The following MEX3C variants were observed in gnomAD, a reference collection of about 807,000 sequenced individuals.
The protein encoded by MEX3C is mex-3 RNA binding family member C.
Under a neutral mutation model 35.5 loss-of-function variants are expected in MEX3C, and 15 were observed. The ratio of observed to expected loss-of-function variants is 0.42; its 90% CI spans 0.28 to 0.65. MEX3C has a LOEUF of 0.65. Among genes scored for constraint, MEX3C ranks in the 30% least tolerant of loss-of-function variants. The probability of loss-of-function intolerance (pLI) is 0.20; values close to 1 mark genes in which losing one functional copy is unlikely to be tolerated. For missense variants in MEX3C, 711 were observed against 842.8 expected, an observed-to-expected ratio of 0.84 and a Z score of 1.94; for synonymous variants, 390 against 352.8, an observed-to-expected ratio of 1.11 and a Z score of -1.18.
At chr18:51,178,226 T>G (rs1050937033) in intron 1 of MEX3C, among the ~76,000 whole-genome samples, 6 of 152,220 alleles carry the variant, frequency 3.9e-5, no homozygotes, top group African/African-American at 1.4e-4. Context: ...ATGTGGGTGC[T>G]GGGTGTGGTT....
Position 51,196,895 on chromosome 18 carries a change from C to T in MEX3C, c.426G>A (p.Leu142=). The T allele has an allele frequency of 6.5e-7, 1 of 1,541,978 alleles. No homozygotes were observed. Among genetic ancestry groups the T allele is most frequent in the Non-Finnish European group, 8.7e-7 (1 of 1,145,978 alleles). The change falls in exon 1 of 2, where the codon CTG becomes CTA. Residue 142 remains leucine (L), a synonymous_variant. Transcript: ENST00000406189. ...CGGTGGCCGCGGGCGGCGACAGCAGCAGCAGCGACGACCGGTCCTCCTCCT... is the reference window on the plus strand; with the variant it reads ...CGGTGGCCGCGGGCGGCGACAGCAGTAGCAGCGACGACCGGTCCTCCTCCT... The part of the protein sequence containing the change: ...EAEEEDRSSL[L]LLSPPAATAS...
At chr18:51,185,967 T>C (rs1437581842) in intron 1 of MEX3C, among the ~76,000 whole-genome samples, 1 of 152,166 alleles carries the variant, frequency 6.6e-6, no homozygotes, top group African/African-American at 2.4e-5. Flanking sequence ...GTGTTTACAA[T>C]GACTTTTACT....
chr18:51,187,786 T>C (rs1281382219), intron 1 of MEX3C, among the ~76,000 whole-genome samples: 6 of 151,926 alleles, frequency 3.9e-5, no homozygotes, highest in Non-Finnish European at 5.9e-5. Context: ...AATGAAGGGG[T>C]TGTATTAATA....
At chr18:51,183,507 G>T (rs1016996239) in intron 1 of MEX3C, among the ~76,000 whole-genome samples, 5 of 152,150 alleles carry the variant, frequency 3.3e-5, no homozygotes, top group Admixed American at 1.3e-4. Flanking sequence ...TCCTAAGATG[G>T]CTCCTCAAGA....
intron 1 of MEX3C, among the ~76,000 whole-genome samples, chr18:51,191,193 C>T (rs1376078547): frequency 6.6e-6 from 1 of 152,126 alleles, no homozygotes; most frequent in Non-Finnish European, 1.5e-5. Flanking sequence ...CATCATGGCT[C>T]TCCTTGTGGG....
chr18:51,182,195 T>G (rs1344928198), intron 1 of MEX3C, among the ~76,000 whole-genome samples: 3 of 152,220 alleles, frequency 2.0e-5, no homozygotes, highest in Non-Finnish European at 4.4e-5. Flanking sequence ...ATCACAGGTA[T>G]GTACATATAG....
At position 51,196,622 on chromosome 18, in the gene MEX3C, G is replaced by C. The variant is rs755948788; in HGVS notation, c.699C>G (p.Thr233=). Residue 233 remains threonine, a synonymous_variant, in exon 1 of 2, where the codon ACC becomes ACG. Transcript: ENST00000406189. ...CGGAGCTGGGCACCGGGACGCACTC[G>C]GTGGTGTTGACGCTCTTTCTCCGGA... The part of the protein sequence containing the change: ...ALLRRKSVNT[T]ECVPVPSSEH... 1 of 1,590,610 alleles carries C rather than the reference G, an allele frequency of 6.3e-7. No homozygotes were observed. Among genetic ancestry groups the C allele is most frequent in the African/African-American group, 1.3e-5 (1 of 74,474 alleles).
chr18:51,176,844 G>A lies in MEX3C; in HGVS notation c.1487C>T (p.Ser496Phe). The A allele has an allele frequency of 6.2e-7, 1 of 1,614,012 alleles. No homozygotes were observed. The highest frequency in any genetic ancestry group is 8.5e-7 in the Non-Finnish European group (1 of 1,179,890). Residue 496 changes from serine to phenylalanine, a missense_variant, in exon 2 of 2, where the codon TCT (serine) becomes TTT (phenylalanine). Ser to Phe is a radical substitution (Grantham distance 155). Transcript: ENST00000406189. ...SVGSEDLAVD[S>F]PAFDSLPTSA... ...TGTTGGTAAAGAGTCAAAGGCAGGA[G>A]AGTCAACTGCTAGGTCTTCTGAGCC...
At chr18:51,191,295 T>C (rs1295350618) in intron 1 of MEX3C, among the ~76,000 whole-genome samples, 1 of 152,200 alleles carries the variant, frequency 6.6e-6, no homozygotes, top group Non-Finnish European at 1.5e-5. Context: ...TGATAAGCAT[T>C]ACTTCCGGAT....
At chr18:51,191,144 A>G (rs1476365950) in intron 1 of MEX3C, among the ~76,000 whole-genome samples, 1 of 152,198 alleles carries the variant, frequency 6.6e-6, no homozygotes, top group Non-Finnish European at 1.5e-5. Context: ...TTAGAATTCT[A>G]TAACAATCCT....
intron 1 of MEX3C, among the ~76,000 whole-genome samples, chr18:51,185,228 A>G (rs1215632814): frequency 2.0e-5 from 3 of 152,220 alleles, no homozygotes; most frequent in Non-Finnish European, 4.4e-5. Flanking sequence ...TTGCAGTGAA[A>G]GGACTGAGTG....
intron 1 of MEX3C, chr18:51,196,044 G>T: frequency 6.5e-6 from 1 of 154,482 alleles, no homozygotes; most frequent in Non-Finnish European, 1.4e-5. Flanking sequence ...GGAGGGGCAG[G>T]GGATGGCGGT....
intron 1 of MEX3C, among the ~76,000 whole-genome samples, chr18:51,178,857 T>C (rs1436468631): frequency 1.4e-5 from 2 of 141,450 alleles, no homozygotes; most frequent in African/African-American, 5.4e-5. Flanking sequence ...TGAAACTCCA[T>C]CTCAAAAAAA....
Position 51,197,216 on chromosome 18 carries a change from G to C in MEX3C, c.105C>G (p.Pro35=). The C allele has an allele frequency of 3.0e-6, 3 of 1,005,664 alleles. No homozygotes were observed. The highest frequency in any genetic ancestry group is 3.5e-6 in the Non-Finnish European group (3 of 845,690). The allele number at this position is 1,005,664 out of a possible 1,614,324, so 62.3% of individuals were successfully genotyped here. Residue 35 remains proline, a synonymous_variant, in exon 1 of 2, where the codon CCC becomes CCG. Coordinates refer to ENST00000406189, the MANE Select transcript of MEX3C (RefSeq NM_016626.5). The part of the protein sequence containing the change: ...PPPPPPPLPP[P]SGGPELEGDG... ...CCCCCTCGAGCTCCGGGCCGCCCGA[G>C]GGCGGCGGCAGAGGCGGCGGTGGCG...
intron 1 of MEX3C, among the ~76,000 whole-genome samples, chr18:51,190,085 C>T (rs1430065797): frequency 6.6e-6 from 1 of 152,116 alleles, no homozygotes; most frequent in Non-Finnish European, 1.5e-5. Context: ...ACTTGATCCT[C>T]ACAACAAATG....
At chr18:51,182,911 C>T (rs1039209688) in intron 1 of MEX3C, among the ~76,000 whole-genome samples, 4 of 152,158 alleles carry the variant, frequency 2.6e-5, no homozygotes, top group Non-Finnish European at 5.9e-5. Context: ...TGTTCTTTTT[C>T]CTGTCAGAAA....
At chr18:51,189,147 A>G (rs1912602570) in intron 1 of MEX3C, among the ~76,000 whole-genome samples, 1 of 152,252 alleles carries the variant, frequency 6.6e-6, no homozygotes, top group Non-Finnish European at 1.5e-5. Flanking sequence ...TTAAAAGACA[A>G]GTGAACTGAT....
intron 1 of MEX3C, among the ~76,000 whole-genome samples, chr18:51,181,759 G>A: frequency 6.6e-6 from 1 of 152,130 alleles, no homozygotes; most frequent in African/African-American, 2.4e-5. Context: ...TGACCTAGGG[G>A]GACAGGGAAG....
At position 51,176,606 on chromosome 18, in the gene MEX3C, T is replaced by G; in HGVS notation, c.1725A>C (p.Ile575=). Reference sequence around the variant, plus strand: ...TACCATTAGAAAAAGCAGGGATATATATTGGAAGGCCAACATGGTTGCCTG... The same window carrying G: ...TACCATTAGAAAAAGCAGGGATATAGATTGGAAGGCCAACATGGTTGCCTG... ...PSTGNHVGLP[I]YIPAFSNGTN... The change falls in exon 2 of 2, where the codon ATA becomes ATC. Residue 575 remains isoleucine, a synonymous_variant. Coordinates refer to ENST00000406189, the MANE Select transcript of MEX3C (RefSeq NM_016626.5). The G allele has an allele frequency of 1.2e-6, 2 of 1,613,934 alleles. No homozygotes were observed. Among genetic ancestry groups the G allele is most frequent in the Non-Finnish European group, 1.7e-6 (2 of 1,179,870 alleles).
Sources: allele counts gnomAD v4.1 joint callset (sites outside exome capture counted in the v4.1 genomes callset), GRCh38; gene constraint gnomAD v4.1.1; transcripts MANE v1.5; gene names NCBI Gene and HGNC (gene_info 2026-07-23, HGNC 2026-07-21).